Variants in APBA1 observed in about 807,000 individuals in gnomAD.
APBA1 encodes the protein amyloid beta precursor protein binding family A member 1, also known as amyloid-beta A4 precursor protein-binding family A member 1.
In APBA1, 55 loss-of-function variants were observed where a neutral mutation model predicts 86.6. The ratio of observed to expected loss-of-function variants is 0.64; its 90% confidence interval spans 0.51 to 0.80. The LOEUF is 0.80. Among genes scored for constraint, APBA1 ranks in the 30% least tolerant of loss-of-function variants. The pLI is 0.00. For missense variants in APBA1, 1,090 were observed against 1,183.0 expected (o/e 0.92, Z 1.15); for synonymous variants, 511 against 493.9 (o/e 1.03, Z -0.46).
intron 1 of APBA1, among the ~76,000 whole-genome samples, chr9:69,570,676 T>C (rs1270008568): frequency 1.3e-5 from 2 of 152,182 alleles, no homozygotes; most frequent in African/African-American, 4.8e-5. Context: ...AATAGCCCCC[T>C]TTGTCTTTTT....
At chr9:69,622,603 A>G (rs546749723) in intron 1 of APBA1, among the ~76,000 whole-genome samples, 1 of 152,256 alleles carries the variant, frequency 6.6e-6, no homozygotes, top group South Asian at 2.1e-4. Flanking sequence ...AAACAAAGAA[A>G]GAAAAGAAAA....
chr9:69,572,600 T>A (rs1206480328), intron 1 of APBA1, among the ~76,000 whole-genome samples: 1 of 152,346 alleles, frequency 6.6e-6, no homozygotes, highest in South Asian at 2.1e-4. Flanking sequence ...TATCCTCTTG[T>A]GATCTTTCTA....
rs567561583 is a variant in APBA1 at position 69,451,295 on chromosome 9, C to A, written c.1968+827G>T. 4.2e-4 allele frequency among the ~76,000 whole-genome samples: 64 copies of A among 152,342 alleles called. 1 individual carries two copies. The South Asian group carries it at 0.012, about 28-fold the overall frequency. On this transcript the variant is annotated intron_variant, in intron 9 of 12. Coordinates refer to ENST00000265381, the MANE Select transcript of APBA1 (RefSeq NM_001163.4). ...TGTTCTGAGGCACTCTCCCAACAAA[C>A]CTCTGTGACAAGAATCCCTGCCTCA...
At chr9:69,451,705 C>G (rs1835012503) in intron 9 of APBA1, among the ~76,000 whole-genome samples, 1 of 152,200 alleles carries the variant, frequency 6.6e-6, no homozygotes, top group African/African-American at 2.4e-5. Flanking sequence ...CCCAGAGAAG[C>G]ACAGCACCTC....
intron 11 of APBA1, among the ~76,000 whole-genome samples, chr9:69,435,428 G>C (rs577980933): frequency 0.076 from 11,477 of 150,794 alleles, 1,455 homozygotes; most frequent in African/African-American, 0.26. Context: ...AAAAGTGTTC[G>C]TATTTCTCCA....
Position 69,459,163 on chromosome 9 carries a change from C to G in APBA1, c.1483-975G>C, listed in dbSNP as rs554020204. Among the ~76,000 whole-genome samples, 16 of 152,326 alleles carry G rather than the reference C, an allele frequency of 1.1e-4. No homozygotes were observed. The East Asian group carries it at 1.7e-3, about 17-fold the overall frequency. On this transcript the variant is annotated intron_variant, in intron 5 of 12. Coordinates refer to ENST00000265381, the MANE Select transcript of APBA1 (RefSeq NM_001163.4). ...TTCCACTGTGGTCAGAGAACACAGT[C>G]TGTATGTCAATCTTTTGAAATATGC...
At chr9:69,513,559 G>A (rs1836086617) in intron 2 of APBA1, among the ~76,000 whole-genome samples, 1 of 152,210 alleles carries the variant, frequency 6.6e-6, no homozygotes, top group South Asian at 2.1e-4. Context: ...CCTCCTAGCT[G>A]GGAGGAATCT....
In APBA1 at chr9:69,510,410, G is replaced by T. The variant is rs374842668; in HGVS notation, c.1200+5601C>A. ...AGGAGAACTACAAACCACTGCTCAA[G>T]GAAATAAAAGAGGATACAAACAAAT... On this transcript the variant is annotated intron_variant, in intron 2 of 12. Transcript: ENST00000265381. Among the ~76,000 whole-genome samples the T allele has an allele frequency of 5.8e-5, 8 of 137,226 alleles. No individual in the cohort carries two copies. The East Asian group carries it at 6.8e-4, about 12-fold the overall frequency. The allele number at this position is 137,226 out of a possible 152,430, so 90.0% of individuals were successfully genotyped here.
At chr9:69,528,468 G>A (rs1836376313) in intron 1 of APBA1, among the ~76,000 whole-genome samples, 1 of 152,038 alleles carries the variant, frequency 6.6e-6, no homozygotes, top group Admixed American at 6.6e-5. Context: ...GGGAGATCTT[G>A]CAAATTTTAC....
At chr9:69,491,847 C>G (rs1835717868) in intron 2 of APBA1, among the ~76,000 whole-genome samples, 1 of 151,272 alleles carries the variant, frequency 6.6e-6, no homozygotes, top group Admixed American at 6.6e-5. Context: ...TCACTGCAAC[C>G]TCCGCCTCCC....
chr9:69,475,456 C>T (rs1030861652), intron 3 of APBA1, among the ~76,000 whole-genome samples: 1 of 152,088 alleles, frequency 6.6e-6, no homozygotes. Context: ...GGAAAGTTCT[C>T]GCAGGCGGCA....
intron 1 of APBA1, among the ~76,000 whole-genome samples, chr9:69,648,624 G>A: frequency 6.6e-6 from 1 of 152,090 alleles, no homozygotes; most frequent in East Asian, 1.9e-4. Context: ...CTATAGTTTA[G>A]CCCTCGAAGG....
At chr9:69,568,757 C>T (rs1166871671) in intron 1 of APBA1, among the ~76,000 whole-genome samples, 3 of 152,176 alleles carry the variant, frequency 2.0e-5, no homozygotes, top group Non-Finnish European at 2.9e-5. Flanking sequence ...CAGTGTTCTA[C>T]GCCTGGGTCC....
chr9:69,658,316 T>C (rs71483566), intron 1 of APBA1, among the ~76,000 whole-genome samples: 28,063 of 81,300 alleles, frequency 0.35, 4,337 homozygotes, highest in East Asian at 0.43. Flanking sequence ...CTTTCTTTCT[T>C]TCTTTCTTTC....
intron 9 of APBA1, 95 bp downstream of exon 9, chr9:69,452,027 A>AT: frequency 8.3e-7 from 1 of 1,203,876 alleles, no homozygotes; most frequent in Non-Finnish European, 1.2e-6. Flanking sequence ...ACTCCTCACC[A>AT]TTGATCTCCC....
At chr9:69,506,068 T>C (rs899141007) in intron 2 of APBA1, among the ~76,000 whole-genome samples, 8 of 149,876 alleles carry the variant, frequency 5.3e-5, no homozygotes, top group African/African-American at 1.5e-4. Context: ...GGAGCCAAGA[T>C]GGCCGAATAG....
chr9:69,540,312 T>C (rs1468537008), intron 1 of APBA1, among the ~76,000 whole-genome samples: 1 of 152,170 alleles, frequency 6.6e-6, no homozygotes, highest in African/African-American at 2.4e-5. Context: ...GTGTCCCTAG[T>C]GTCTGGAATA....
chr9:69,517,072 A>G lies in APBA1; in HGVS notation c.139T>C (p.Tyr47His), dbSNP rs989263261. Residue 47 changes from tyrosine to histidine, a missense_variant, in exon 2 of 13, where the codon TAT becomes CAT. Tyr to His is a moderately conservative substitution (Grantham distance 83). Around this residue, in one of 6 missense-constraint regions of APBA1, gnomAD observed 678 missense variants for 647.1 expected, o/e 1.05. Coordinates refer to ENST00000265381, the MANE Select transcript of APBA1 (RefSeq NM_001163.4). ...CGCCCGCGCTGGTGGCGGCCCACAT[A>G]GTGCTGCTGCTGCGGCGGCTGCTGC... ...EQQQPPQQQH[Y>H]VGRHQRGRAL... 5.0e-6 allele frequency: 8 copies of G among 1,585,428 alleles called. No individual in the cohort carries two copies. In the African/African-American group the frequency reaches 9.4e-5, roughly 19 times the overall value.
At chr9:69,639,205 G>A (rs1053373110) in intron 1 of APBA1, among the ~76,000 whole-genome samples, 24 of 152,142 alleles carry the variant, frequency 1.6e-4, no homozygotes, top group African/African-American at 5.6e-4. Flanking sequence ...CACTGAAGTT[G>A]TATTAGTCTA....
Sources: allele counts gnomAD v4.1 joint callset (sites outside exome capture counted in the v4.1 genomes callset), GRCh38; gene constraint gnomAD v4.1.1; regional missense constraint gnomAD v4.1.1; transcripts MANE v1.5; gene names NCBI Gene and HGNC (gene_info 2026-07-23, HGNC 2026-07-21).